Variants in FER observed in about 807,000 individuals in gnomAD.
FER encodes FER tyrosine kinase, also known as tyrosine-protein kinase Fer.
Under a neutral mutation model 111.0 loss-of-function variants are expected in FER, and 63 were observed. The observed-to-expected ratio is 0.57, with a 90% CI of 0.46 to 0.70. FER has a LOEUF of 0.70. Ranked by LOEUF, FER falls within the 30% of genes least tolerant of loss-of-function variation. The pLI is 0.00. For missense variants in FER, 914 were observed against 954.0 expected, an observed-to-expected ratio of 0.96 and a Z score of 0.55; for synonymous variants, 327 against 313.9, an observed-to-expected ratio of 1.04 and a Z score of -0.44.
chr5:108,761,941 C>G (rs146119530), intron 1 of FER, among the ~76,000 whole-genome samples: 67 of 152,098 alleles, frequency 4.4e-4, no homozygotes, highest in African/African-American at 1.6e-3. Flanking sequence ...GATGGAGTCT[C>G]ACTTTGCCAC....
At chr5:108,872,918 T>C (rs1764735568) in intron 8 of FER, among the ~76,000 whole-genome samples, 1 of 152,216 alleles carries the variant, frequency 6.6e-6, no homozygotes, top group Non-Finnish European at 1.5e-5. Flanking sequence ...ACCACAGCTA[T>C]AAATGATTAT....
chr5:109,107,928 A>G (rs1251416635), intron 17 of FER, among the ~76,000 whole-genome samples: 2 of 152,162 alleles, frequency 1.3e-5, no homozygotes, highest in East Asian at 1.9e-4. Context: ...ATTTCAAATT[A>G]TGGACACAAA....
At chr5:108,923,808 A>ATATTT (rs1753358575) in intron 10 of FER, among the ~76,000 whole-genome samples, 1 of 152,162 alleles carries the variant, frequency 6.6e-6, no homozygotes, top group Non-Finnish European at 1.5e-5. Flanking sequence ...GAGATCATTT[A>ATATTT]CACATAATTT....
At chr5:108,967,759 C>CAAAAAAAAAAAAAAAAAAAA (rs774855414) in intron 13 of FER, among the ~76,000 whole-genome samples, 46 of 34,454 alleles carry the variant, frequency 1.3e-3, no homozygotes, top group Non-Finnish European at 2.5e-3. Context: ...GACTCCGTCT[C>CAAAAAAAAAAAAAAAAAAAA]AAAAAAAAAA....
At chr5:109,098,417 G>C (rs1747795178) in intron 16 of FER, among the ~76,000 whole-genome samples, 1 of 151,596 alleles carries the variant, frequency 6.6e-6, no homozygotes, top group African/African-American at 2.4e-5. Flanking sequence ...AACAACACTG[G>C]GGTTATGTCA....
intron 17 of FER, among the ~76,000 whole-genome samples, chr5:109,167,039 T>A (rs1756625765): frequency 6.6e-6 from 1 of 152,190 alleles, no homozygotes; most frequent in Admixed American, 6.6e-5. Flanking sequence ...CAGCATTACC[T>A]TCAAACTTGA....
chr5:109,128,381 A>T (rs1437823553), intron 17 of FER, among the ~76,000 whole-genome samples: 1 of 152,134 alleles, frequency 6.6e-6, no homozygotes, highest in Non-Finnish European at 1.5e-5. Context: ...AAGTTTTGGG[A>T]ACCTAAAATA....
intron 16 of FER, among the ~76,000 whole-genome samples, chr5:109,085,941 TTAA>T (rs1433936859): frequency 6.6e-6 from 1 of 151,856 alleles, no homozygotes; most frequent in Admixed American, 6.6e-5. Context: ...CTGCATTCTA[TTAA>T]TGATATATAT....
intron 10 of FER, among the ~76,000 whole-genome samples, chr5:108,908,899 G>A (rs1171398984): frequency 6.6e-6 from 1 of 152,068 alleles, no homozygotes; most frequent in African/African-American, 2.4e-5. Context: ...TTAGCTGGGT[G>A]TGGTGGCACG....
chr5:108,995,133 A>T (rs111789351), intron 13 of FER, among the ~76,000 whole-genome samples: 17,687 of 152,112 alleles, frequency 0.12, 1,118 homozygotes, highest in Middle Eastern at 0.15. Context: ...CCTGGCCAGA[A>T]CTTCTAATAC....
intron 10 of FER, among the ~76,000 whole-genome samples, chr5:108,912,621 A>G (rs976890915): frequency 5.3e-5 from 8 of 152,170 alleles, no homozygotes; most frequent in African/African-American, 1.9e-4. Context: ...TCGACCTTCT[A>G]AAGTGCTGAG....
At chr5:108,772,516 A>G (rs879796161) in intron 2 of FER, among the ~76,000 whole-genome samples, 2 of 151,690 alleles carry the variant, frequency 1.3e-5, no homozygotes, top group Non-Finnish European at 2.9e-5. Context: ...TCTTCTGGGA[A>G]TTGCCTGGTT....
intron 3 of FER, among the ~76,000 whole-genome samples, chr5:108,831,151 G>C (rs192273869): frequency 1.3e-3 from 200 of 152,182 alleles, no homozygotes; most frequent in African/African-American, 4.3e-3. Context: ...AAATCTTCTC[G>C]CCTAGGCTGC....
intron 2 of FER, among the ~76,000 whole-genome samples, chr5:108,769,932 C>CTGA (rs144814416): frequency 0.018 from 2,730 of 151,700 alleles, 156 homozygotes; most frequent in Admixed American, 0.11. Context: ...TTTTTTTCCA[C>CTGA]TGATGATGAT....
intron 16 of FER, among the ~76,000 whole-genome samples, chr5:109,057,224 A>T (rs1350900977): frequency 1.3e-5 from 2 of 152,260 alleles, no homozygotes; most frequent in Non-Finnish European, 2.9e-5. Flanking sequence ...AGCTTAAGAA[A>T]TTAGAATAAG....
intron 1 of FER, among the ~76,000 whole-genome samples, chr5:108,758,501 A>G (rs972262369): frequency 2.6e-5 from 4 of 152,214 alleles, no homozygotes; most frequent in South Asian, 2.1e-4. Flanking sequence ...TTAGGTACAG[A>G]TAGACCCTCA....
Position 109,193,273 on chromosome 5 carries a change from T to A in FER, c.*5698T>A, listed in dbSNP as rs376590370. 8 of 152,282 alleles carry A rather than the reference T, an allele frequency of 5.3e-5. No individual in the cohort carries two copies. In the South Asian group the frequency reaches 1.0e-3, roughly 20 times the overall value. 9.4% of individuals were successfully genotyped at this position (152,282 alleles called of 1,614,324 possible). On this transcript the variant is annotated 3_prime_UTR_variant, in exon 20 of 20. Transcript: ENST00000281092. Reference sequence around the variant, plus strand: ...GTGGTTCAGCCCTCTCCCTAAGCAGTAGCAAGCTGAGTAATGGCACACATA... The same window carrying A: ...GTGGTTCAGCCCTCTCCCTAAGCAGAAGCAAGCTGAGTAATGGCACACATA...
chr5:109,075,229 A>G (rs930937425), intron 16 of FER, among the ~76,000 whole-genome samples: 5 of 152,132 alleles, frequency 3.3e-5, no homozygotes, highest in African/African-American at 1.2e-4. Flanking sequence ...AAAAAAATTA[A>G]TGTAAAAAAA....
At chr5:108,804,174 T>C (rs1756960370) in intron 3 of FER, among the ~76,000 whole-genome samples, 1 of 152,204 alleles carries the variant, frequency 6.6e-6, no homozygotes, top group Non-Finnish European at 1.5e-5. Flanking sequence ...CTGATTTTTC[T>C]AATTTATTTT....
Sources: gnomAD v4.1 joint callset for allele counts (sites outside exome capture counted in the v4.1 genomes callset) on GRCh38, gnomAD v4.1.1 for gene constraint, MANE v1.5 for transcripts, NCBI Gene and HGNC (gene_info 2026-07-23, HGNC 2026-07-21) for gene names.